NLGN4X: variants seen among roughly 807,000 people sequenced by gnomAD.
The protein encoded by NLGN4X is neuroligin-4, X-linked.
NLGN4X carries 3 observed loss-of-function variants against 40.3 expected under a neutral mutation model. That is an observed-to-expected ratio of 0.07 (90% confidence interval 0.03 to 0.19). The LOEUF (loss-of-function observed/expected upper bound fraction) is 0.19, where lower values mean the gene tolerates loss of function less well. Ranked by LOEUF, NLGN4X falls within the 10% of genes least tolerant of loss-of-function variation. NLGN4X has a pLI of 1.00. For missense variants in NLGN4X, 382 were observed against 708.3 expected (o/e 0.54, Z 5.23); for synonymous variants, 270 against 306.8 (o/e 0.88, Z 1.25).
At chrX:5,944,901 C>G (rs987336551) in intron 3 of NLGN4X, among the ~76,000 whole-genome samples, 4 of 111,128 alleles carry the variant, frequency 3.6e-5, no homozygotes, top group African/African-American at 9.8e-5. Context: ...GTTATGAAAC[C>G]ATGCTTTGTC....
chrX:6,199,379 T>C (rs993171388), intron 1 of NLGN4X, among the ~76,000 whole-genome samples: 9 of 111,794 alleles, frequency 8.1e-5, no homozygotes, highest in African/African-American at 2.9e-4. Flanking sequence ...TATTAATGAA[T>C]AAAAAAATTC....
intron 2 of NLGN4X, among the ~76,000 whole-genome samples, chrX:6,099,892 C>A (rs1010983230): frequency 2.0e-4 from 22 of 111,430 alleles, no homozygotes; most frequent in Non-Finnish European, 2.6e-4. Context: ...GTCCGGGAGA[C>A]CCTAACCCAG....
intron 1 of NLGN4X, among the ~76,000 whole-genome samples, chrX:6,225,681 C>CTTTTTTTTTTTTTTTTTTTTTTTTTTTTT (rs1569309354): frequency 5.9e-5 from 2 of 33,800 alleles, no homozygotes; most frequent in Non-Finnish European, 1.0e-4. Flanking sequence ...TTTTTTCTTT[C>CTTTTTTTTTTTTTTTTTTTTTTTTTTTTT]TTTTTTTCTT....
intron 5 of NLGN4X, among the ~76,000 whole-genome samples, chrX:5,894,035 G>C (rs759106666): frequency 8.9e-6 from 1 of 112,362 alleles, no homozygotes; most frequent in Non-Finnish European, 1.9e-5. Context: ...TTGTCGAACT[G>C]TAAAACTCAT....
intron 1 of NLGN4X, among the ~76,000 whole-genome samples, chrX:6,208,025 TAATC>T (rs1924188908): frequency 8.9e-6 from 1 of 112,080 alleles, no homozygotes; most frequent in African/African-American, 3.2e-5. Context: ...AATCTAATTT[TAATC>T]AATCAATGTA....
intron 3 of NLGN4X, among the ~76,000 whole-genome samples, chrX:5,965,296 C>G (rs2034793795): frequency 9.0e-6 from 1 of 111,560 alleles, no homozygotes; most frequent in Non-Finnish European, 1.9e-5. Flanking sequence ...CTCTAAAGGC[C>G]CCACATGAGA....
intron 2 of NLGN4X, among the ~76,000 whole-genome samples, chrX:6,031,490 A>C (rs1433233594): frequency 9.0e-6 from 1 of 111,240 alleles, no homozygotes; most frequent in Non-Finnish European, 1.9e-5. Flanking sequence ...TGTTGGCAAG[A>C]TTTCTTTTCT....
intron 3 of NLGN4X, among the ~76,000 whole-genome samples, chrX:5,944,781 A>C (rs963383254): frequency 1.8e-5 from 2 of 111,835 alleles, no homozygotes; most frequent in African/African-American, 6.5e-5. Context: ...TTTTGTCATT[A>C]CTTTTGACAA....
intron 1 of NLGN4X, among the ~76,000 whole-genome samples, chrX:6,210,652 G>A (rs369610357): frequency 1.4e-4 from 16 of 111,869 alleles, no homozygotes; most frequent in African/African-American, 4.9e-4. Flanking sequence ...AAATACACAC[G>A]TTCCTTCTAA....
At chrX:6,113,155 T>A (rs1213764309) in intron 2 of NLGN4X, among the ~76,000 whole-genome samples, 2 of 110,316 alleles carry the variant, frequency 1.8e-5, no homozygotes, top group African/African-American at 6.6e-5. Context: ...CTGGATAGGA[T>A]TTGAGGAAAG....
intron 3 of NLGN4X, among the ~76,000 whole-genome samples, chrX:5,940,907 A>C (rs2033908639): frequency 9.0e-6 from 1 of 110,932 alleles, no homozygotes; most frequent in Non-Finnish European, 1.9e-5. Context: ...ACTTGAGCCC[A>C]GGAATTCAAG....
At chrX:6,076,068 C>T (rs926532288) in intron 2 of NLGN4X, among the ~76,000 whole-genome samples, 13 of 111,455 alleles carry the variant, frequency 1.2e-4, no homozygotes, top group African/African-American at 4.2e-4. Context: ...AAATCACGCC[C>T]CCCTCTTCCC....
At chrX:5,967,947 A>C (rs1348666805) in intron 3 of NLGN4X, among the ~76,000 whole-genome samples, 2 of 110,995 alleles carry the variant, frequency 1.8e-5, no homozygotes, top group Non-Finnish European at 3.8e-5. Context: ...TCAAATTTAG[A>C]GTCTTGAAAA....
At chrX:6,068,547 T>C (rs1401727452) in intron 2 of NLGN4X, among the ~76,000 whole-genome samples, 2 of 111,901 alleles carry the variant, frequency 1.8e-5, no homozygotes, top group Non-Finnish European at 3.8e-5. Flanking sequence ...TTCTTCTATA[T>C]GTCAAATCTC....
At chrX:5,934,412 G>A (rs767704854) in intron 3 of NLGN4X, among the ~76,000 whole-genome samples, 1 of 112,009 alleles carries the variant, frequency 8.9e-6, no homozygotes, top group South Asian at 3.7e-4. Flanking sequence ...GTAACAATCT[G>A]ACGATGTTGT....
intron 3 of NLGN4X, among the ~76,000 whole-genome samples, chrX:6,018,486 G>A (rs971418146): frequency 1.8e-5 from 2 of 111,848 alleles, no homozygotes; most frequent in Non-Finnish European, 3.8e-5. Flanking sequence ...ACACTGAAAT[G>A]ATGTTTTTTT....
At chrX:6,220,941 T>C (rs1484889432) in intron 1 of NLGN4X, among the ~76,000 whole-genome samples, 1 of 109,847 alleles carries the variant, frequency 9.1e-6, no homozygotes, top group Non-Finnish European at 1.9e-5. Context: ...TTTCGCCATG[T>C]TGGCCAGGCT....
intron 2 of NLGN4X, among the ~76,000 whole-genome samples, chrX:6,121,358 T>C (rs943424190): frequency 1.2e-4 from 13 of 111,902 alleles, no homozygotes; most frequent in African/African-American, 2.6e-4. Flanking sequence ...GTCTTTGTAA[T>C]TGTCATTATG....
intron 2 of NLGN4X, among the ~76,000 whole-genome samples, chrX:6,076,057 T>C (rs1175713107): frequency 9.0e-6 from 1 of 111,565 alleles, no homozygotes; most frequent in Non-Finnish European, 1.9e-5. Flanking sequence ...TTGTCCACTC[T>C]AAATCACGCC....
Sources: gnomAD v4.1 joint callset for allele counts (sites outside exome capture counted in the v4.1 genomes callset) on GRCh38, gnomAD v4.1.1 for gene constraint, MANE v1.5 for transcripts, NCBI Gene and HGNC (gene_info 2026-07-23, HGNC 2026-07-21) for gene names.